The following TMEM177 variants were observed in gnomAD, a reference collection of about 807,000 sequenced individuals.
TMEM177 encodes the protein transmembrane protein 177.
TMEM177 carries 4 observed loss-of-function variants against 14.2 expected under a neutral mutation model. That is an observed-to-expected ratio of 0.28 (90% CI 0.14 to 0.64). The LOEUF is 0.64. TMEM177 is among the 30% of genes least tolerant of loss of function. The pLI, the probability that TMEM177 is intolerant of heterozygous loss-of-function variation, is 0.82. For missense variants in TMEM177, 344 were observed against 405.2 expected (o/e 0.85, Z 1.30); for synonymous variants, 179 against 174.5 (o/e 1.03, Z -0.20).
chr2:119,707,382 G>C, the TMEM177 span, among the ~76,000 whole-genome samples: 2 of 152,190 alleles, frequency 1.3e-5, no homozygotes, highest in African/African-American at 2.4e-5. Flanking sequence ...AACGGATTTG[G>C]GTTAGGTCAC....
chr2:119,696,310 C>T, the TMEM177 span, among the ~76,000 whole-genome samples: 1 of 152,230 alleles, frequency 6.6e-6, no homozygotes, highest in East Asian at 1.9e-4. Flanking sequence ...GTACTGTAAA[C>T]CCCAGTAGGA....
At chr2:119,709,560 A>G in the TMEM177 span, among the ~76,000 whole-genome samples, 1 of 152,152 alleles carries the variant, frequency 6.6e-6, no homozygotes, top group Non-Finnish European at 1.5e-5. Flanking sequence ...AGTGGCTTAC[A>G]CCTGTAATCC....
chr2:119,713,524 T>C, the TMEM177 span, among the ~76,000 whole-genome samples: 4 of 152,228 alleles, frequency 2.6e-5, no homozygotes, highest in African/African-American at 9.6e-5. Context: ...TTTTATATGA[T>C]TTAAATATTT....
At chr2:119,680,329 T>C (rs1688861037) in intron 1 of TMEM177, among the ~76,000 whole-genome samples, 1 of 152,092 alleles carries the variant, frequency 6.6e-6, no homozygotes, top group South Asian at 2.1e-4. Flanking sequence ...TGAAATAGGG[T>C]TAGCTGTAGT....
At chr2:119,719,465 G>GA in the TMEM177 span, among the ~76,000 whole-genome samples, 1 of 152,212 alleles carries the variant, frequency 6.6e-6, no homozygotes, top group African/African-American at 2.4e-5. Context: ...AAGCGTGGGT[G>GA]CTGCCCCGGC....
chr2:119,690,610 A>G (rs1689078861), downstream of TMEM177, among the ~76,000 whole-genome samples: 2 of 152,152 alleles, frequency 1.3e-5, no homozygotes. Context: ...GCCCACGTGG[A>G]GAGAGGGAGG....
chr2:119,704,923 A>G, the TMEM177 span, among the ~76,000 whole-genome samples: 3 of 152,346 alleles, frequency 2.0e-5, no homozygotes, highest in South Asian at 6.2e-4. Context: ...GTGGGAACTC[A>G]GTATAATTTG....
chr2:119,700,837 C>G, the TMEM177 span, among the ~76,000 whole-genome samples: 842 of 152,316 alleles, frequency 5.5e-3, 8 homozygotes, highest in African/African-American at 0.019. Context: ...GCAGCTGTCC[C>G]GGCCTCTTTC....
At chr2:119,680,802 A>C in intron 1 of TMEM177, 30 bp from the exon 2 acceptor site, 1 of 1,560,670 alleles carries the variant, frequency 6.4e-7, no homozygotes, top group East Asian at 2.3e-5. Context: ...ACCCAGGGAA[A>C]CTGGCTGACT....
chr2:119,690,762 G>C (rs530755212), downstream of TMEM177, among the ~76,000 whole-genome samples: 20 of 152,334 alleles, frequency 1.3e-4, no homozygotes, highest in South Asian at 1.7e-3. Flanking sequence ...GTTAAGCGCG[G>C]ACAGCTCACA....
chr2:119,680,805 G>C, intron 1 of TMEM177, 27 bp from the exon 2 acceptor site: 1 of 1,567,480 alleles, frequency 6.4e-7, no homozygotes, highest in Non-Finnish European at 8.7e-7. Context: ...CAGGGAAACT[G>C]GCTGACTTCT....
chr2:119,683,287 G>T (rs1688948763), downstream of TMEM177, among the ~76,000 whole-genome samples: 2 of 152,184 alleles, frequency 1.3e-5, no homozygotes, highest in African/African-American at 2.4e-5. Context: ...CATTCCCCAG[G>T]CCCTGGTACC....
chr2:119,693,109 G>T, the TMEM177 span, among the ~76,000 whole-genome samples: 2 of 151,962 alleles, frequency 1.3e-5, no homozygotes, highest in South Asian at 4.1e-4. Context: ...GCATCCACAC[G>T]TGAAGCCTGT....
At chr2:119,692,227 T>A in the TMEM177 span, among the ~76,000 whole-genome samples, 1 of 152,240 alleles carries the variant, frequency 6.6e-6, no homozygotes, top group Non-Finnish European at 1.5e-5. Context: ...GGGAAAATGC[T>A]TGCATCCATA....
the TMEM177 span, among the ~76,000 whole-genome samples, chr2:119,712,258 G>A: frequency 6.6e-6 from 1 of 151,994 alleles, no homozygotes; most frequent in African/African-American, 2.4e-5. Context: ...CTCCTGCCGC[G>A]TGGCTCTGCG....
downstream of TMEM177, among the ~76,000 whole-genome samples, chr2:119,682,623 G>A (rs1311661913): frequency 6.6e-6 from 1 of 152,148 alleles, no homozygotes; most frequent in South Asian, 2.1e-4. Flanking sequence ...AGGTGTTCCA[G>A]AACTCCGAGA....
the TMEM177 span, among the ~76,000 whole-genome samples, chr2:119,700,476 A>G: frequency 0.52 from 78,353 of 152,030 alleles, 20,966 homozygotes; most frequent in East Asian, 0.65. Context: ...AACAGGTACT[A>G]TGTTAGGTCT....
rs1283844513 is a variant in TMEM177 at position 119,681,504 on chromosome 2, C to T, written c.651C>T (p.Ala217=). 1.2e-6 allele frequency: 2 copies of T among 1,613,888 alleles called. No individual in the cohort carries two copies. The highest frequency in any genetic ancestry group is 2.2e-5 in the South Asian group (2 of 91,092). Residue 217 remains alanine (A), a synonymous_variant, in exon 2 of 2, where the codon GCC becomes GCT. Coordinates refer to ENST00000272521, the MANE Select transcript of TMEM177 (RefSeq NM_030577.3). The stretch of plus-strand genomic sequence containing the variant: ...CAGTGGCAGGCTTTGTGGCCTACGC[C>T]TTCTCCCAGGATTCTCTCACTCATG... The part of the protein sequence containing the change: ...VAAVAGFVAY[A]FSQDSLTHAV...
the TMEM177 span, among the ~76,000 whole-genome samples, chr2:119,711,138 G>A: frequency 0.016 from 2,385 of 152,308 alleles, 34 homozygotes; most frequent in Non-Finnish European, 0.024. Flanking sequence ...AGGCTGGTCT[G>A]AGGGAAGCGC....
Sources: allele counts gnomAD v4.1 joint callset (sites outside exome capture counted in the v4.1 genomes callset), GRCh38; gene constraint gnomAD v4.1.1; transcripts MANE v1.5; gene names NCBI Gene and HGNC (gene_info 2026-07-23, HGNC 2026-07-21).